Variants in PCDHA6 observed in about 807,000 individuals in gnomAD.
PCDHA6 encodes protocadherin alpha 6.
A neutral mutation model predicts 60.3 loss-of-function variants in PCDHA6; 55 were observed. That is an observed-to-expected ratio of 0.91 (90% confidence interval 0.73 to 1.14). PCDHA6 has a LOEUF of 1.14. PCDHA6 is among the 50% of genes most tolerant of loss of function. The pLI, the probability that PCDHA6 is intolerant of heterozygous loss-of-function variation, is 0.00. For synonymous variants in PCDHA6, 652 were observed against 557.9 expected, an observed-to-expected ratio of 1.17 and a Z score of -2.38; for missense variants, 1,327 against 1,256.5, an observed-to-expected ratio of 1.06 and a Z score of -0.85.
intron 1 of PCDHA6, among the ~76,000 whole-genome samples, chr5:140,942,504 G>C (rs2093309107): frequency 6.6e-6 from 1 of 151,936 alleles, no homozygotes; most frequent in Admixed American, 6.6e-5. Flanking sequence ...ATGGTATCTA[G>C]GAAACTCAGA....
chr5:140,841,884 A>G, intron 1 of PCDHA6: 1 of 1,613,846 alleles, frequency 6.2e-7, no homozygotes, highest in Non-Finnish European at 8.5e-7. Flanking sequence ...AAGAACGATG[A>G]GAATAAACTG....
chr5:141,008,800 A>G (rs949324548), intron 3 of PCDHA6, among the ~76,000 whole-genome samples: 8 of 152,222 alleles, frequency 5.3e-5, no homozygotes, highest in Non-Finnish European at 1.2e-4. Flanking sequence ...TTATCTAAAC[A>G]AATAGGCTCA....
Position 140,967,929 on chromosome 5 carries a change from G to A in PCDHA6, c.2395-11020G>A, listed in dbSNP as rs1554230126. 5 of 1,614,096 alleles carry A rather than the reference G, an allele frequency of 3.1e-6. No homozygotes were observed. The South Asian group carries it at 4.4e-5, about 14-fold the overall frequency. ...CCCAACACCATTGTGGCCGTTCTCAGTGTCAATGACCAAGACTCAGGCCCC... is the reference window on the plus strand; with the variant it reads ...CCCAACACCATTGTGGCCGTTCTCAATGTCAATGACCAAGACTCAGGCCCC... On this transcript the variant is annotated intron_variant, in intron 1 of 3. Coordinates refer to ENST00000529310, the MANE Select transcript of PCDHA6 (RefSeq NM_018909.4).
intron 1 of PCDHA6, among the ~76,000 whole-genome samples, chr5:140,975,492 A>G (rs2153807380): frequency 6.6e-6 from 1 of 152,332 alleles, no homozygotes; most frequent in South Asian, 2.1e-4. Flanking sequence ...ATCAATGTTC[A>G]TAAAATAGCA....
chr5:140,836,724 T>C (rs2150268487), intron 1 of PCDHA6: 3 of 1,611,936 alleles, frequency 1.9e-6, no homozygotes, highest in Admixed American at 3.3e-5. Context: ...TCAGGGTCCA[T>C]CCTCTACAGA....
intron 1 of PCDHA6, among the ~76,000 whole-genome samples, chr5:140,896,536 C>CTTTT (rs34213614): frequency 1.4e-5 from 2 of 145,620 alleles, no homozygotes; most frequent in Admixed American, 6.8e-5. Context: ...AGCTATTTTT[C>CTTTT]TTTTTTTTTT....
chr5:140,985,533 G>T (rs2097156708), intron 3 of PCDHA6, among the ~76,000 whole-genome samples: 1 of 152,082 alleles, frequency 6.6e-6, no homozygotes, highest in Admixed American at 6.6e-5. Context: ...AAGCTTCACG[G>T]TGAAGATGCA....
chr5:140,859,086 G>A (rs1474947917), intron 1 of PCDHA6: 3 of 150,424 alleles, frequency 2.0e-5, no homozygotes, highest in Non-Finnish European at 3.0e-5. Flanking sequence ...CTGTGTCAGT[G>A]TGTATTATTC....
At chr5:140,855,797 T>C in intron 1 of PCDHA6, 1 of 465,668 alleles carries the variant, frequency 2.1e-6, no homozygotes, top group South Asian at 4.0e-5. Context: ...AATTAACATA[T>C]GAATGAAAGA....
chr5:140,879,875 C>T (rs1040496825), intron 1 of PCDHA6, among the ~76,000 whole-genome samples: 39 of 152,326 alleles, frequency 2.6e-4, no homozygotes, highest in African/African-American at 8.7e-4. Flanking sequence ...TTCATGGTCA[C>T]ATTGCCTCCT....
At chr5:140,854,205 T>C (rs2043038740) in intron 1 of PCDHA6, 1 of 692,808 alleles carries the variant, frequency 1.4e-6, no homozygotes, top group East Asian at 1.3e-4. Flanking sequence ...CTACTTTTTA[T>C]TCAATATTGG....
intron 1 of PCDHA6, chr5:140,869,548 G>C (rs2051232334): frequency 1.2e-6 from 2 of 1,614,084 alleles, no homozygotes; most frequent in African/African-American, 2.7e-5. Context: ...TAAGCAATCG[G>C]ACTCGCGTTT....
chr5:140,869,747 C>A (rs1554163400), intron 1 of PCDHA6: 1 of 1,613,276 alleles, frequency 6.2e-7, no homozygotes. Context: ...CTAACAGCTA[C>A]AGACGGGGGA....
chr5:140,875,854 G>C, intron 1 of PCDHA6: 1 of 1,614,160 alleles, frequency 6.2e-7, no homozygotes. Context: ...GGACATTAAC[G>C]ACAACCCGCC....
At chr5:140,895,968 G>A (rs190056652) in intron 1 of PCDHA6, among the ~76,000 whole-genome samples, 2 of 151,938 alleles carry the variant, frequency 1.3e-5, no homozygotes, top group African/African-American at 2.4e-5. Context: ...CTGTCACCAG[G>A]CCTAGCTAAT....
chr5:140,987,043 A>G (rs1406153632), intron 3 of PCDHA6, among the ~76,000 whole-genome samples: 5 of 151,912 alleles, frequency 3.3e-5, no homozygotes, highest in Non-Finnish European at 7.4e-5. Flanking sequence ...GCGAAACCCC[A>G]TCTCTACTAA....
At chr5:140,999,173 T>G (rs892201477) in intron 3 of PCDHA6, among the ~76,000 whole-genome samples, 20 of 152,158 alleles carry the variant, frequency 1.3e-4, no homozygotes, top group African/African-American at 4.3e-4. Context: ...GAAAAGAGCC[T>G]GATGGGGAGA....
intron 1 of PCDHA6, among the ~76,000 whole-genome samples, chr5:140,948,964 T>C (rs2094329348): frequency 6.6e-6 from 1 of 151,790 alleles, no homozygotes; most frequent in Non-Finnish European, 1.5e-5. Context: ...AGCCACGAAT[T>C]TATTAGTATG....
At chr5:140,999,766 A>G (rs1417826824) in intron 3 of PCDHA6, among the ~76,000 whole-genome samples, 2 of 152,180 alleles carry the variant, frequency 1.3e-5, no homozygotes, top group African/African-American at 2.4e-5. Flanking sequence ...TGATGTCTTT[A>G]TACTCTTAAC....
Sources: gnomAD v4.1 joint callset for allele counts (sites outside exome capture counted in the v4.1 genomes callset) on GRCh38, gnomAD v4.1.1 for gene constraint, MANE v1.5 for transcripts, NCBI Gene and HGNC (gene_info 2026-07-23, HGNC 2026-07-21) for gene names.